The following HDAC8 variants were observed in gnomAD, a reference collection of about 807,000 sequenced individuals.
HDAC8 encodes the protein histone deacetylase-like 1.
A neutral mutation model predicts 32.2 loss-of-function variants in HDAC8; 1 was observed. That is an observed-to-expected ratio of 0.03 (90% CI 0.01 to 0.15). The LOEUF (loss-of-function observed/expected upper bound fraction) is 0.15. HDAC8 is among the 10% of genes least tolerant of loss of function. HDAC8 has a pLI of 1.00. For synonymous variants in HDAC8, 108 were observed against 113.9 expected (o/e 0.95, Z 0.33); for missense variants, 117 against 300.0 (o/e 0.39, Z 4.51).
intron 8 of HDAC8, 147 bp from the exon 9 acceptor site, chrX:72,462,245 T>C: frequency 2.1e-6 from 1 of 470,392 alleles, no homozygotes; most frequent in South Asian, 3.2e-5. Context: ...TTGTGATATT[T>C]TTAAACCACC....
chrX:72,536,437 A>G (rs1556039340), intron 4 of HDAC8, among the ~76,000 whole-genome samples: 1 of 112,080 alleles, frequency 8.9e-6, no homozygotes, highest in African/African-American at 3.2e-5. Flanking sequence ...AAGTTTAAAG[A>G]TATTTATTAA....
At chrX:72,336,028 T>C (rs1241575984) in intron 10 of HDAC8, among the ~76,000 whole-genome samples, 1 of 111,791 alleles carries the variant, frequency 8.9e-6, no homozygotes, top group Non-Finnish European at 1.9e-5. Context: ...TTTTAATTCA[T>C]TTGGGTAATT....
At chrX:72,445,524 A>C (rs1435916716) in intron 9 of HDAC8, among the ~76,000 whole-genome samples, 3 of 112,275 alleles carry the variant, frequency 2.7e-5, no homozygotes, top group Non-Finnish European at 5.6e-5. Flanking sequence ...CCTTATACAA[A>C]AATTAATTCA....
rs1386235424 is a variant in HDAC8, at chrX:72,467,695, T to C, written c.738-2964A>G. The C allele has an allele frequency of 2.6e-5, 8 of 303,448 alleles. No homozygotes were observed. The East Asian group carries it at 5.0e-4, about 19-fold the overall frequency. 25.0% of individuals were successfully genotyped at this position (303,448 alleles called of 1,213,427 possible). A position where few individuals can be genotyped will look rare whatever the true frequency, so the allele number is the denominator to read the frequency against. On this transcript the variant is annotated intron_variant, in intron 7 of 10. Transcript: ENST00000373573. ...TCTGTGTGTGTGTGCTTTGAAGGCA[T>C]AATTAGATTTCCATTTTAAAGATAC...
intron 10 of HDAC8, among the ~76,000 whole-genome samples, chrX:72,342,243 C>CTTGGGGAAGTCATGGCT (rs1262503547): frequency 8.9e-6 from 1 of 112,702 alleles, no homozygotes; most frequent in Non-Finnish European, 1.9e-5. Flanking sequence ...TCCTTCATGA[C>CTTGGGGAAGTCATGGCT]CCGACCATGG....
In HDAC8 at chrX:72,516,274, T is replaced by C. The variant is rs192890936; in HGVS notation, c.438-21006A>G. On this transcript the variant is annotated intron_variant, in intron 4 of 10. Transcript: ENST00000373573. ...GTTTAATGGTATAAAGCTAATTTCT[T>C]GGTGTGACTTAACAAGTAGCCAGAA... 6.2e-5 allele frequency among the ~76,000 whole-genome samples: 7 copies of C among 112,048 alleles called. No homozygotes were observed. In the East Asian group the frequency reaches 2.0e-3, roughly 31 times the overall value.
At chrX:72,368,351 C>T (rs1411410508) in intron 9 of HDAC8, among the ~76,000 whole-genome samples, 2 of 95,049 alleles carry the variant, frequency 2.1e-5, no homozygotes, top group Non-Finnish European at 4.0e-5. Context: ...CGTGTGTTTC[C>T]ACAAGGCTTT....
intron 8 of HDAC8, 174 bp from the exon 9 acceptor site, chrX:72,462,272 G>A (rs1555992042): frequency 2.4e-6 from 1 of 424,173 alleles, no homozygotes; most frequent in Admixed American, 3.9e-5. Context: ...GCAGACTTTG[G>A]TGGACCAGTC....
intron 9 of HDAC8, among the ~76,000 whole-genome samples, chrX:72,362,096 C>T (rs1431469817): frequency 1.8e-5 from 2 of 111,059 alleles, no homozygotes; most frequent in Non-Finnish European, 3.8e-5. Flanking sequence ...GATGTGTGTC[C>T]TCTCCAAATT....
chrX:72,343,375 G>A (rs2043939566), intron 10 of HDAC8, among the ~76,000 whole-genome samples: 1 of 109,768 alleles, frequency 9.1e-6, no homozygotes, highest in African/African-American at 3.3e-5. Flanking sequence ...GTTTTGCCAT[G>A]TTGCCCAGGC....
intron 7 of HDAC8, among the ~76,000 whole-genome samples, chrX:72,483,391 T>C (rs2048570173): frequency 9.0e-6 from 1 of 111,023 alleles, no homozygotes; most frequent in African/African-American, 3.3e-5. Flanking sequence ...TAATAAGAGC[T>C]GGTTGTTAAA....
At chrX:72,571,928 G>C (rs1287629695) in intron 2 of HDAC8, 129 bp downstream of exon 2, 2 of 553,668 alleles carry the variant, frequency 3.6e-6, no homozygotes, top group Admixed American at 9.0e-5. Context: ...TACAAACACT[G>C]TGAATACTTT....
intron 9 of HDAC8, among the ~76,000 whole-genome samples, chrX:72,437,752 A>C (rs1012565637): frequency 6.2e-5 from 7 of 112,074 alleles, no homozygotes; most frequent in Admixed American, 2.8e-4. Context: ...GGAGACCACC[A>C]CAGCTCTGCA....
chrX:72,349,956 G>A (rs982244549), intron 10 of HDAC8, among the ~76,000 whole-genome samples: 6 of 111,718 alleles, frequency 5.4e-5, no homozygotes. Context: ...AGAGTTGAAG[G>A]AAGAAGGGTA....
chrX:72,445,362 C>T (rs1468533366), intron 9 of HDAC8, among the ~76,000 whole-genome samples: 1 of 110,949 alleles, frequency 9.0e-6, no homozygotes, highest in East Asian at 2.8e-4. Context: ...AGAACAGAGC[C>T]CTTAGAAATA....
intron 9 of HDAC8, among the ~76,000 whole-genome samples, chrX:72,383,471 C>T (rs1264182681): frequency 8.9e-6 from 1 of 111,778 alleles, no homozygotes; most frequent in Non-Finnish European, 1.9e-5. Context: ...AGGAAGTTTC[C>T]CCAAGATGTT....
intron 9 of HDAC8, among the ~76,000 whole-genome samples, chrX:72,378,439 C>A (rs782459396): frequency 1.3e-4 from 14 of 111,951 alleles, no homozygotes; most frequent in African/African-American, 3.9e-4. Flanking sequence ...CAGGACAAAA[C>A]CCCTTACCAG....
intron 9 of HDAC8, among the ~76,000 whole-genome samples, chrX:72,448,453 A>C (rs782133458): frequency 1.1e-4 from 12 of 112,543 alleles, no homozygotes; most frequent in Non-Finnish European, 2.2e-4. Flanking sequence ...TTAAAGACTT[A>C]AACATAAGAC....
intron 9 of HDAC8, among the ~76,000 whole-genome samples, chrX:72,379,160 C>T (rs1555959191): frequency 9.0e-6 from 1 of 111,180 alleles, no homozygotes; most frequent in East Asian, 2.8e-4. Flanking sequence ...GCCCGGCCAC[C>T]ATTTAGTTAT....
Sources: allele counts gnomAD v4.1 joint callset (sites outside exome capture counted in the v4.1 genomes callset), GRCh38; gene constraint gnomAD v4.1.1; transcripts MANE v1.5; gene names NCBI Gene and HGNC (gene_info 2026-07-23, HGNC 2026-07-21).